Variants in BICD1 observed in about 807,000 individuals in gnomAD.
BICD1 encodes the protein protein bicaudal D homolog 1.
A neutral mutation model predicts 92.5 loss-of-function variants in BICD1; 35 were observed. The observed-to-expected ratio is 0.38, with a 90% confidence interval of 0.29 to 0.50. The LOEUF is 0.50. BICD1 is among the 20% of genes least tolerant of loss of function. BICD1 has a pLI of 0.93. For missense variants in BICD1, 950 were observed against 1,189.8 expected (o/e 0.80, Z 2.97); for synonymous variants, 429 against 465.1 (o/e 0.92, Z 1.00).
chr12:32,211,852 G>C (rs1276483815), intron 1 of BICD1, among the ~76,000 whole-genome samples: 1 of 152,106 alleles, frequency 6.6e-6, no homozygotes, highest in Non-Finnish European at 1.5e-5. Context: ...GAGGGAGAGA[G>C]GCTGTCAGAA....
chr12:32,171,146 G>T (rs114998912), intron 1 of BICD1, among the ~76,000 whole-genome samples: 1 of 152,100 alleles, frequency 6.6e-6, no homozygotes, highest in Non-Finnish European at 1.5e-5. Flanking sequence ...CTACATTCCC[G>T]CCTGTTGAAA....
chr12:32,293,873 T>G (rs2136193369), intron 2 of BICD1, 121 bp from the exon 3 acceptor site: 1 of 1,003,566 alleles, frequency 1.0e-6, no homozygotes, highest in Non-Finnish European at 1.4e-6. Context: ...TTCGAAAAAA[T>G]GCAGTAACAA....
chr12:32,267,952 A>G (rs565465509), intron 2 of BICD1, among the ~76,000 whole-genome samples: 20 of 151,436 alleles, frequency 1.3e-4, no homozygotes, highest in Admixed American at 4.6e-4. Context: ...GGCATGGGCC[A>G]TCACTTCTGG....
rs983842207 is a variant in BICD1 at position 32,383,378 on chromosome 12, A to G, written c.*5751A>G. 1.2e-4 allele frequency: 18 copies of G among 152,202 alleles called. No homozygotes were observed. Among genetic ancestry groups the G allele is most frequent in the African/African-American group, 3.9e-4 (16 of 41,472 alleles). The allele number at this position is 152,202 out of a possible 1,614,324, so 9.4% of individuals were successfully genotyped here. On this transcript the variant is annotated 3_prime_UTR_variant, in exon 10 of 10. Transcript: ENST00000652176. ...AAATTCAAAAAATTCTTATGAATTT[A>G]TTATTGCTTGTACTTTAACTTTTTT...
chr12:32,196,949 A>C (rs1944743799), intron 1 of BICD1, among the ~76,000 whole-genome samples: 1 of 152,204 alleles, frequency 6.6e-6, no homozygotes, highest in Non-Finnish European at 1.5e-5. Flanking sequence ...AGACATTTAC[A>C]AGCCACACTT....
At chr12:32,346,953 C>CTT (rs546760175) in intron 8 of BICD1, among the ~76,000 whole-genome samples, 135 of 136,430 alleles carry the variant, frequency 9.9e-4, no homozygotes, top group Middle Eastern at 3.8e-3. Context: ...CTTTTCTTTT[C>CTT]TTTTTTTTTT....
At chr12:32,187,916 C>T (rs984200720) in intron 1 of BICD1, among the ~76,000 whole-genome samples, 2 of 151,526 alleles carry the variant, frequency 1.3e-5, no homozygotes, top group Non-Finnish European at 2.9e-5. Flanking sequence ...CTCGCTCTGT[C>T]ACGCAGGCTG....
chr12:32,134,817 G>C (rs975624973), intron 1 of BICD1, among the ~76,000 whole-genome samples: 2 of 152,160 alleles, frequency 1.3e-5, no homozygotes, highest in African/African-American at 4.8e-5. Context: ...GGCCACCTTT[G>C]GTCTACAGCA....
chr12:32,278,615 A>T (rs1490658333), intron 2 of BICD1, among the ~76,000 whole-genome samples: 1 of 152,210 alleles, frequency 6.6e-6, no homozygotes, highest in Non-Finnish European at 1.5e-5. Flanking sequence ...GCACTTTCGG[A>T]GGCCGCGGCC....
chr12:32,243,264 A>ATTTTTTTTTTTTTT lies in BICD1; in HGVS notation c.426+26813_426+26826dup, dbSNP rs71068310. Among the ~76,000 whole-genome samples the ATTTTTTTTTTTTTT allele has an allele frequency of 5.3e-3, 391 of 74,004 alleles. 5 individuals are homozygous for ATTTTTTTTTTTTTT. Among genetic ancestry groups the ATTTTTTTTTTTTTT allele is most frequent in the African/African-American group, 0.013 (216 of 16,252 alleles). 48.5% of individuals were successfully genotyped at this position (74,004 alleles called of 152,430 possible). A position where few individuals can be genotyped will look rare whatever the true frequency, so the allele number is the denominator to read the frequency against. ...AGGCACGCCCCACCATGCCTGGCTA[A>ATTTTTTTTTTTTTT]TTTTTTTTTTTTTTTTTTTTTGTAT... On this transcript the variant is annotated intron_variant, in intron 2 of 9. Transcript: ENST00000652176.
chr12:32,295,361 C>T (rs979658599), intron 3 of BICD1, among the ~76,000 whole-genome samples: 3 of 152,074 alleles, frequency 2.0e-5, no homozygotes, highest in South Asian at 2.1e-4. Flanking sequence ...GCTTCCTCAG[C>T]GACACCTCTA....
chr12:32,305,039 A>C lies in BICD1; in HGVS notation c.580-658A>C, dbSNP rs75770979. Reference sequence around the variant, plus strand: ...CCTCTCTCAAAACAAACCAACCAACAAACAAACAAACAAAAGCAATGTAGG... The same window carrying C: ...CCTCTCTCAAAACAAACCAACCAACCAACAAACAAACAAAAGCAATGTAGG... On this transcript the variant is annotated intron_variant, in intron 3 of 9. Transcript: ENST00000652176. Among the ~76,000 whole-genome samples the C allele has an allele frequency of 1.3e-3, 173 of 129,904 alleles. 1 individual carries two copies. Among genetic ancestry groups the C allele is most frequent in the Non-Finnish European group, 2.3e-3 (138 of 60,928 alleles). The allele number at this position is 129,904 out of a possible 152,430, so 85.2% of individuals were successfully genotyped here. A position where few individuals can be genotyped will look rare whatever the true frequency, so the allele number is the denominator to read the frequency against.
At chr12:32,228,695 G>T (rs538147111) in intron 2 of BICD1, among the ~76,000 whole-genome samples, 3 of 152,262 alleles carry the variant, frequency 2.0e-5, no homozygotes, top group African/African-American at 7.2e-5. Flanking sequence ...TTTTCTAATG[G>T]GTTGAATGTA....
intron 8 of BICD1, chr12:32,353,678 G>C (rs1217979876): frequency 1.3e-5 from 2 of 151,920 alleles, no homozygotes; most frequent in Non-Finnish European, 2.9e-5. Context: ...TTTTATAATT[G>C]ATCTTTTTAG....
rs1940030442 is a variant in BICD1 at position 32,377,703 on chromosome 12, G to A, written c.*76G>A. The A allele has an allele frequency of 1.5e-6, 2 of 1,321,864 alleles. No homozygotes were observed. Among genetic ancestry groups the A allele is most frequent in the Admixed American group, 1.7e-5 (1 of 58,486 alleles). 81.9% of individuals were successfully genotyped at this position (1,321,864 alleles called of 1,614,324 possible). On this transcript the variant is annotated 3_prime_UTR_variant, in exon 10 of 10. Transcript: ENST00000652176. ...ACAGGATACTGCCCAAGATCCAGCG[G>A]GTGTTTTCTTCTCGGTTGTTAGATG...
chr12:32,284,612 C>T (rs1387394071), intron 2 of BICD1, among the ~76,000 whole-genome samples: 1 of 152,190 alleles, frequency 6.6e-6, no homozygotes, highest in Non-Finnish European at 1.5e-5. Flanking sequence ...AAAGTCCACC[C>T]TCGCAACTCT....
chr12:32,161,226 A>G (rs1210956510), intron 1 of BICD1, among the ~76,000 whole-genome samples: 1 of 152,168 alleles, frequency 6.6e-6, no homozygotes, highest in Non-Finnish European at 1.5e-5. Flanking sequence ...CTGAGTAGTA[A>G]TCTCTCCAGG....
At position 32,376,736 on chromosome 12, in the gene BICD1, T is replaced by A. The variant is rs575624253; in HGVS notation, c.2841-804T>A. Reference sequence around the variant, plus strand: ...TACAAAAATTGGCAGGGCATGGTAGTGCATGCATGTAATCCCAGCTGCTCG... The same window carrying A: ...TACAAAAATTGGCAGGGCATGGTAGAGCATGCATGTAATCCCAGCTGCTCG... On this transcript the variant is annotated intron_variant, in intron 9 of 9. Transcript: ENST00000652176. Among the ~76,000 whole-genome samples the A allele has an allele frequency of 4.6e-5, 7 of 151,710 alleles. No homozygotes were observed. The East Asian group carries it at 1.4e-3, about 30-fold the overall frequency.
Position 32,381,164 on chromosome 12 carries a change from A to AT in BICD1, c.*3542dup, listed in dbSNP as rs1247939060. ...ATTTGAAAATAGGATGGCAATCTTT[A>AT]TTTTTCCAAGATATTTGTTGGAAAA... is the stretch of plus-strand genomic sequence containing the variant. On this transcript the variant is annotated 3_prime_UTR_variant, in exon 10 of 10. Transcript: ENST00000652176. 1 of 151,928 alleles carries AT rather than the reference A, an allele frequency of 6.6e-6. No individual in the cohort carries two copies. Among genetic ancestry groups the AT allele is most frequent in the Admixed American group, 6.6e-5 (1 of 15,246 alleles). The allele number at this position is 151,928 out of a possible 1,614,324, so 9.4% of individuals were successfully genotyped here. A position where few individuals can be genotyped will look rare whatever the true frequency, so the allele number is the denominator to read the frequency against.
Sources: gnomAD v4.1 joint callset for allele counts (sites outside exome capture counted in the v4.1 genomes callset) on GRCh38, gnomAD v4.1.1 for gene constraint, MANE v1.5 for transcripts, NCBI Gene and HGNC (gene_info 2026-07-23, HGNC 2026-07-21) for gene names.